The following MACROD1 variants were observed in gnomAD, a reference collection of about 807,000 sequenced individuals.
MACROD1 encodes mono-ADP ribosylhydrolase 1, also known as ADP-ribose glycohydrolase MACROD1.
In MACROD1, 31 loss-of-function variants were observed where a neutral mutation model predicts 41.4. The ratio of observed to expected loss-of-function variants is 0.75; its 90% CI spans 0.56 to 1.01. The LOEUF (loss-of-function observed/expected upper bound fraction) is 1.01. Among genes scored for constraint, MACROD1 ranks in the 50% least tolerant of loss-of-function variants. MACROD1 has a pLI of 0.00. For missense variants in MACROD1, 473 were observed against 460.0 expected, an observed-to-expected ratio of 1.03 and a Z score of -0.26; for synonymous variants, 252 against 203.4, an observed-to-expected ratio of 1.24 and a Z score of -2.03.
At chr11:64,116,384 C>A in intron 3 of MACROD1, 2 of 1,613,808 alleles carry the variant, frequency 1.2e-6, no homozygotes, top group Non-Finnish European at 1.7e-6. Flanking sequence ...TCCTCTGCTA[C>A]GGGCTCATCG....
At chr11:64,070,328 C>T (rs935422516) in intron 3 of MACROD1, among the ~76,000 whole-genome samples, 2 of 152,050 alleles carry the variant, frequency 1.3e-5, no homozygotes, top group African/African-American at 4.8e-5. Flanking sequence ...CTGGGGGCCT[C>T]GGAGCTGTGA....
At chr11:64,041,006 C>T (rs185169739) in intron 3 of MACROD1, among the ~76,000 whole-genome samples, 1 of 151,712 alleles carries the variant, frequency 6.6e-6, no homozygotes, top group Non-Finnish European at 1.5e-5. Flanking sequence ...AGGCAGTGGC[C>T]GGGCTGGTTG....
At position 64,067,902 on chromosome 11, in the gene MACROD1, G is replaced by T. The variant is rs866835832; in HGVS notation, c.518-52621C>A. On this transcript the variant is annotated intron_variant, in intron 3 of 10. Coordinates refer to ENST00000255681, the MANE Select transcript of MACROD1 (RefSeq NM_014067.4). This position sits in a 1 kb window ranked among gnomAD's most constrained non-coding sequence, Gnocchi z 4.6. ...TGTCCATTTAGCCAGCGGTTCGCTC[G>T]GCTTTTAGGAGGGGGCTGGCGGTGA... Among the ~76,000 whole-genome samples, 1 of 152,088 alleles carries T rather than the reference G, an allele frequency of 6.6e-6. No homozygotes were observed. The highest frequency in any genetic ancestry group is 1.9e-4 in the East Asian group (1 of 5,190).
chr11:64,151,132 C>T, intron 3 of MACROD1, 107 bp downstream of exon 3: 1 of 928,414 alleles, frequency 1.1e-6, no homozygotes. Flanking sequence ...TTGCCAGCAA[C>T]CCGAGCCTCA....
chr11:64,151,164 C>T (rs1945570333), intron 3 of MACROD1, 75 bp downstream of exon 3: 2 of 1,326,360 alleles, frequency 1.5e-6, no homozygotes, highest in Non-Finnish European at 2.1e-6. Context: ...TGGCGTCCAC[C>T]CAGGCCTGGC....
At chr11:64,065,792 A>G (rs1405521801) in intron 3 of MACROD1, among the ~76,000 whole-genome samples, 1 of 121,954 alleles carries the variant, frequency 8.2e-6, no homozygotes, top group African/African-American at 3.8e-5. Context: ...TCCGCCTCAA[A>G]AAAAAAAAAA....
At chr11:64,155,602 G>A (rs1401653127) in intron 1 of MACROD1, among the ~76,000 whole-genome samples, 1 of 152,240 alleles carries the variant, frequency 6.6e-6, no homozygotes, top group East Asian at 1.9e-4. Flanking sequence ...CTTCCTGGCG[G>A]CTAAATAATG....
rs1186635443 is a variant in MACROD1 at position 63,999,953 on chromosome 11, C to A, written c.665-190G>T. On this transcript the variant is annotated intron_variant, in intron 5 of 10. Transcript: ENST00000255681. ...TCCGCACGCGCACAGAGCCCCGCGC[C>A]CCCTCCCCACATCTGTATGGGCCCG... 3 of 702,210 alleles carry A rather than the reference C, an allele frequency of 4.3e-6. No individual in the cohort carries two copies. In the African/African-American group the frequency reaches 5.4e-5, roughly 13 times the overall value. The allele number at this position is 702,210 out of a possible 1,614,324, so 43.5% of individuals were successfully genotyped here.
chr11:63,999,105 C>T, intron 8 of MACROD1, 69 bp from the exon 9 acceptor site: 1 of 1,450,610 alleles, frequency 6.9e-7, no homozygotes, highest in South Asian at 1.3e-5. Context: ...GACTGCCTGC[C>T]CTGGTGCAGG....
intron 4 of MACROD1, among the ~76,000 whole-genome samples, chr11:64,006,777 G>T (rs114556914): frequency 0.011 from 1,683 of 152,258 alleles, 38 homozygotes; most frequent in African/African-American, 0.039. Flanking sequence ...CGGGAAGTGA[G>T]GTTCAGCTCC....
intron 3 of MACROD1, among the ~76,000 whole-genome samples, chr11:64,018,166 G>C (rs1943107264): frequency 6.6e-6 from 1 of 152,134 alleles, no homozygotes; most frequent in Admixed American, 6.5e-5. Context: ...CCCAGTGCTG[G>C]GGGCTCAGAC....
intron 2 of MACROD1, 35 bp downstream of exon 2, chr11:64,152,257 C>A: frequency 6.3e-7 from 1 of 1,590,246 alleles, no homozygotes; most frequent in Non-Finnish European, 8.6e-7. Flanking sequence ...GGGTCTGGAG[C>A]CTGCCCACCA....
intron 3 of MACROD1, among the ~76,000 whole-genome samples, chr11:64,147,679 C>A (rs911943615): frequency 2.0e-5 from 3 of 151,982 alleles, no homozygotes; most frequent in Admixed American, 2.0e-4. Flanking sequence ...CTGTCTCAGC[C>A]TCCCAAAGTT....
intron 3 of MACROD1, among the ~76,000 whole-genome samples, chr11:64,140,397 G>A (rs979716833): frequency 1.3e-5 from 2 of 152,326 alleles, no homozygotes; most frequent in Admixed American, 1.3e-4. Context: ...GGAGAGGGCC[G>A]TCCCCTCGGC....
chr11:64,014,513 G>A (rs767194679), intron 4 of MACROD1, among the ~76,000 whole-genome samples: 4 of 152,246 alleles, frequency 2.6e-5, no homozygotes, highest in African/African-American at 7.2e-5. Flanking sequence ...TTATCCGACG[G>A]CACATTAACC....
intron 4 of MACROD1, among the ~76,000 whole-genome samples, chr11:64,005,601 G>C (rs1942897324): frequency 6.6e-6 from 1 of 152,244 alleles, no homozygotes; most frequent in Non-Finnish European, 1.5e-5. Flanking sequence ...CCTCTCAGGT[G>C]CCGAGTCTCA....
intron 3 of MACROD1, among the ~76,000 whole-genome samples, chr11:64,097,307 G>T (rs763435885): frequency 2.0e-5 from 3 of 152,252 alleles, no homozygotes; most frequent in Non-Finnish European, 4.4e-5. Flanking sequence ...TGCCAACTCA[G>T]CACCAAGGGA....
intron 4 of MACROD1, among the ~76,000 whole-genome samples, chr11:64,009,330 G>C (rs1280136157): frequency 1.3e-5 from 2 of 152,220 alleles, no homozygotes; most frequent in Admixed American, 6.5e-5. Context: ...CAAAGGGTCT[G>C]TCGGGAAGGC....
At chr11:64,134,151 TGAG>T (rs1945301877) in intron 3 of MACROD1, among the ~76,000 whole-genome samples, 1 of 152,218 alleles carries the variant, frequency 6.6e-6, no homozygotes, top group Non-Finnish European at 1.5e-5. Flanking sequence ...GCAAGAAGGC[TGAG>T]GTCACCACTA....
Sources: allele counts gnomAD v4.1 joint callset (sites outside exome capture counted in the v4.1 genomes callset), GRCh38; gene constraint gnomAD v4.1.1; non-coding constraint Gnocchi (gnomAD v3.1); transcripts MANE v1.5; gene names NCBI Gene and HGNC (gene_info 2026-07-23, HGNC 2026-07-21).